GRXCR1: variants seen among roughly 807,000 people sequenced by gnomAD.
The protein encoded by GRXCR1 is glutaredoxin and cysteine rich domain containing 1, also known as glutaredoxin domain-containing cysteine-rich protein 1.
GRXCR1 carries 27 observed loss-of-function variants against 27.3 expected under a neutral mutation model. The observed-to-expected ratio is 0.99, with a 90% CI of 0.73 to 1.37. The LOEUF is 1.37. Ranked by LOEUF, GRXCR1 falls within the 40% of genes most tolerant of loss-of-function variation. The pLI is 0.00. For synonymous variants in GRXCR1, 122 were observed against 131.1 expected, an observed-to-expected ratio of 0.93 and a Z score of 0.47; for missense variants, 379 against 354.4, an observed-to-expected ratio of 1.07 and a Z score of -0.56.
intron 1 of GRXCR1, among the ~76,000 whole-genome samples, chr4:42,934,487 T>C (rs1468513666): frequency 6.6e-6 from 1 of 151,762 alleles, no homozygotes; most frequent in East Asian, 2.0e-4. Flanking sequence ...ATTAATATAA[T>C]TCCATGTGAA....
chr4:42,952,290 C>G (rs1391574241), intron 1 of GRXCR1, among the ~76,000 whole-genome samples: 1 of 152,134 alleles, frequency 6.6e-6, no homozygotes, highest in Non-Finnish European at 1.5e-5. Context: ...CACCACTTTT[C>G]TAGCTGAGTA....
At chr4:43,026,783 C>CGGT (rs1490667587) in intron 3 of GRXCR1, among the ~76,000 whole-genome samples, 1 of 152,084 alleles carries the variant, frequency 6.6e-6, no homozygotes, top group Admixed American at 6.5e-5. Context: ...ATTTGTAAAA[C>CGGT]GGTGGTGTCT....
intron 1 of GRXCR1, among the ~76,000 whole-genome samples, chr4:42,908,614 C>A (rs953502369): frequency 1.3e-5 from 2 of 152,136 alleles, no homozygotes; most frequent in African/African-American, 4.8e-5. Context: ...ATCTTCTATG[C>A]CTATTTATAA....
chr4:42,983,680 T>C (rs1033683151), intron 2 of GRXCR1, among the ~76,000 whole-genome samples: 1 of 152,164 alleles, frequency 6.6e-6, no homozygotes, highest in Non-Finnish European at 1.5e-5. Context: ...GATTCTTCTC[T>C]TTCTCCTTCT....
intron 1 of GRXCR1, among the ~76,000 whole-genome samples, chr4:42,918,198 G>A (rs1311375291): frequency 6.6e-6 from 1 of 151,970 alleles, no homozygotes; most frequent in Non-Finnish European, 1.5e-5. Context: ...TAGAGGGGAG[G>A]AACACTGTTT....
rs186574372 is a variant in GRXCR1, at chr4:42,990,440, C to T, written c.627+27306C>T. Among the ~76,000 whole-genome samples the T allele has an allele frequency of 3.4e-3, 518 of 151,626 alleles. 3 individuals carry two copies. The highest frequency in any genetic ancestry group is 5.8e-3 in the Non-Finnish European group (391 of 67,872). ...TCTCCTGACCTCGTGATCTGCCCGCCTCGGCCTCCCAAAGTGCTAGTTCAT... is the reference window on the plus strand; with the variant it reads ...TCTCCTGACCTCGTGATCTGCCCGCTTCGGCCTCCCAAAGTGCTAGTTCAT... On this transcript the variant is annotated intron_variant, in intron 2 of 3. Coordinates refer to ENST00000399770, the MANE Select transcript of GRXCR1 (RefSeq NM_001080476.3).
At chr4:42,980,119 T>C (rs555065501) in intron 2 of GRXCR1, among the ~76,000 whole-genome samples, 2 of 152,112 alleles carry the variant, frequency 1.3e-5, no homozygotes, top group African/African-American at 4.8e-5. Context: ...TTTGTTGATT[T>C]ATTTTTGTCT....
intron 1 of GRXCR1, among the ~76,000 whole-genome samples, chr4:42,938,523 A>G (rs529296368): frequency 1.3e-5 from 2 of 152,076 alleles, no homozygotes; most frequent in African/African-American, 2.4e-5. Flanking sequence ...ACTGTTCTCT[A>G]TAGTGGTTGT....
chr4:43,028,106 C>G, intron 3 of GRXCR1, among the ~76,000 whole-genome samples: 1 of 149,374 alleles, frequency 6.7e-6, no homozygotes, highest in African/African-American at 2.5e-5. Flanking sequence ...AGTGAGACTC[C>G]GTCTCAAAAA....
Position 42,990,173 on chromosome 4 carries a change from C to CTTTTTTTTTTTTTTTTT in GRXCR1, c.627+27059_627+27075dup, listed in dbSNP as rs745784596. On this transcript the variant is annotated intron_variant, in intron 2 of 3. Transcript: ENST00000399770. ...AACTTCTTGAATTGAATTATTAGTT[C>CTTTTTTTTTTTTTTTTT]TTTTTTTTTTTTTTTTTTTTTTTTT... Among the ~76,000 whole-genome samples, 28 of 46,230 alleles carry CTTTTTTTTTTTTTTTTT rather than the reference C, an allele frequency of 6.1e-4. 9 individuals carry two copies. The highest frequency in any genetic ancestry group is 1.6e-3 in the East Asian group (2 of 1,284). 30.3% of individuals were successfully genotyped at this position (46,230 alleles called of 152,430 possible).
chr4:42,991,633 G>GT (rs1191720968), intron 2 of GRXCR1, among the ~76,000 whole-genome samples: 1 of 152,094 alleles, frequency 6.6e-6, no homozygotes, highest in Admixed American at 6.6e-5. Context: ...TCTACCAAGT[G>GT]TAACTGCCAT....
chr4:42,920,180 C>A (rs1746976472), intron 1 of GRXCR1, among the ~76,000 whole-genome samples: 2 of 152,090 alleles, frequency 1.3e-5, no homozygotes, highest in Non-Finnish European at 2.9e-5. Context: ...CTAGAACTGG[C>A]TGCCCTACTT....
intron 2 of GRXCR1, among the ~76,000 whole-genome samples, chr4:43,014,637 T>C (rs980817476): frequency 5.9e-5 from 9 of 152,180 alleles, no homozygotes; most frequent in Non-Finnish European, 8.8e-5. Context: ...ATAGTATTCA[T>C]CCTTCTCAAT....
chr4:43,011,057 A>C (rs1250413518), intron 2 of GRXCR1, among the ~76,000 whole-genome samples: 2 of 152,314 alleles, frequency 1.3e-5, no homozygotes, highest in South Asian at 4.1e-4. Flanking sequence ...CAGCCTCCCA[A>C]CACATCCTCT....
At chr4:42,991,425 CAT>C (rs1426393033) in intron 2 of GRXCR1, among the ~76,000 whole-genome samples, 16 of 151,230 alleles carry the variant, frequency 1.1e-4, no homozygotes, top group African/African-American at 3.6e-4. Flanking sequence ...TTTTATTATA[CAT>C]ATATATCTAT....
At chr4:43,024,556 A>C (rs1200467114) in intron 3 of GRXCR1, among the ~76,000 whole-genome samples, 2 of 152,168 alleles carry the variant, frequency 1.3e-5, no homozygotes, top group Admixed American at 6.5e-5. Context: ...ATGGCAGTTC[A>C]TCCCATCTGG....
intron 1 of GRXCR1, among the ~76,000 whole-genome samples, chr4:42,900,553 C>G (rs1385888453): frequency 6.6e-6 from 1 of 151,834 alleles, no homozygotes; most frequent in Non-Finnish European, 1.5e-5. Context: ...TTTAAGATCC[C>G]TTTTATATGA....
intron 1 of GRXCR1, among the ~76,000 whole-genome samples, chr4:42,921,250 A>C (rs527256800): frequency 6.6e-6 from 1 of 152,198 alleles, no homozygotes; most frequent in South Asian, 2.1e-4. Flanking sequence ...GTCCCTCACC[A>C]CACATGGAAT....
At chr4:42,924,896 G>A (rs924522040) in intron 1 of GRXCR1, among the ~76,000 whole-genome samples, 2 of 151,966 alleles carry the variant, frequency 1.3e-5, no homozygotes, top group African/African-American at 4.8e-5. Context: ...AAAACTGCCA[G>A]GCTTCCCAAG....
Sources: allele counts gnomAD v4.1 joint callset (sites outside exome capture counted in the v4.1 genomes callset), GRCh38; gene constraint gnomAD v4.1.1; transcripts MANE v1.5; gene names NCBI Gene and HGNC (gene_info 2026-07-23, HGNC 2026-07-21).